The following DCC variants were observed in gnomAD, a reference collection of about 807,000 sequenced individuals.
The protein encoded by DCC is netrin receptor DCC.
Under a neutral mutation model 172.5 loss-of-function variants are expected in DCC, and 58 were observed. The ratio of observed to expected loss-of-function variants is 0.34; its 90% confidence interval spans 0.27 to 0.42. The LOEUF is 0.42. Among genes scored for constraint, DCC ranks in the 10% least tolerant of loss-of-function variants. The probability of loss-of-function intolerance (pLI) is 1.00; values close to 1 mark genes in which losing one functional copy is unlikely to be tolerated. For missense variants in DCC, 1,740 were observed against 1,791.0 expected (o/e 0.97, Z 0.51); for synonymous variants, 709 against 644.5 (o/e 1.10, Z -1.52).
At chr18:53,229,568 G>T (rs936833585) in intron 12 of DCC, among the ~76,000 whole-genome samples, 1 of 152,052 alleles carries the variant, frequency 6.6e-6, no homozygotes, top group African/African-American at 2.4e-5. Context: ...GTGACATTAT[G>T]CTGGCAGCTT....
At chr18:53,035,941 A>G (rs1568260172) in intron 5 of DCC, among the ~76,000 whole-genome samples, 1 of 152,076 alleles carries the variant, frequency 6.6e-6, no homozygotes, top group Non-Finnish European at 1.5e-5. Flanking sequence ...ATAATACTTC[A>G]GTGAATATCC....
At chr18:53,162,644 C>G (rs2054861295) in intron 8 of DCC, among the ~76,000 whole-genome samples, 1 of 152,120 alleles carries the variant, frequency 6.6e-6, no homozygotes, top group South Asian at 2.1e-4. Flanking sequence ...GCTCTTCAGT[C>G]TGCCTAGGAT....
At chr18:52,473,642 G>A (rs187760665) in intron 1 of DCC, among the ~76,000 whole-genome samples, 1 of 152,132 alleles carries the variant, frequency 6.6e-6, no homozygotes, top group Non-Finnish European at 1.5e-5. Context: ...ATCAGCTCTC[G>A]TGAGAACTAA....
intron 5 of DCC, among the ~76,000 whole-genome samples, chr18:52,987,794 C>T (rs2041319212): frequency 6.6e-6 from 1 of 152,178 alleles, no homozygotes; most frequent in Non-Finnish European, 1.5e-5. Flanking sequence ...CTCCTGAATT[C>T]TCTGGCTTAC....
At chr18:52,743,568 T>A (rs1568076691) in intron 1 of DCC, among the ~76,000 whole-genome samples, 2 of 152,220 alleles carry the variant, frequency 1.3e-5, no homozygotes. Context: ...ACTCTCCCGC[T>A]CCAACTTAGC....
chr18:52,891,071 T>A (rs1199773688), intron 2 of DCC, among the ~76,000 whole-genome samples: 1 of 152,086 alleles, frequency 6.6e-6, no homozygotes, highest in African/African-American at 2.4e-5. Flanking sequence ...AATGACAAGA[T>A]AGCTTAGTTA....
At chr18:52,638,773 C>G (rs552379508) in intron 1 of DCC, among the ~76,000 whole-genome samples, 1 of 152,190 alleles carries the variant, frequency 6.6e-6, no homozygotes, top group Admixed American at 6.5e-5. Flanking sequence ...CTTCAATACT[C>G]CACCAACTGC....
At chr18:53,219,510 A>C (rs2055899733) in intron 12 of DCC, among the ~76,000 whole-genome samples, 1 of 152,118 alleles carries the variant, frequency 6.6e-6, no homozygotes, top group Non-Finnish European at 1.5e-5. Context: ...TTCAGATTTA[A>C]ATTTTTAAAT....
At chr18:52,968,072 C>T (rs868297446) in intron 5 of DCC, among the ~76,000 whole-genome samples, 61 of 152,260 alleles carry the variant, frequency 4.0e-4, no homozygotes, top group African/African-American at 1.4e-3. Flanking sequence ...ATTCTTCTAG[C>T]ATTTATTAAC....
chr18:53,414,160 C>CA (rs1910157526), intron 20 of DCC, among the ~76,000 whole-genome samples: 1 of 152,078 alleles, frequency 6.6e-6, no homozygotes, highest in Non-Finnish European at 1.5e-5. Context: ...TAAATCTTGA[C>CA]AAGGTACAAG....
At chr18:52,982,962 T>C (rs1374619302) in intron 5 of DCC, among the ~76,000 whole-genome samples, 2 of 152,218 alleles carry the variant, frequency 1.3e-5, no homozygotes, top group African/African-American at 4.8e-5. Flanking sequence ...AGTTAACTAA[T>C]AATGGATCAT....
chr18:52,865,353 C>A (rs920920740), intron 2 of DCC, among the ~76,000 whole-genome samples: 1 of 151,988 alleles, frequency 6.6e-6, no homozygotes, highest in Non-Finnish European at 1.5e-5. Flanking sequence ...GGGTATATAC[C>A]CAGTAATAGG....
chr18:53,193,519 A>T (rs2055397074), intron 9 of DCC, among the ~76,000 whole-genome samples: 1 of 152,122 alleles, frequency 6.6e-6, no homozygotes, highest in African/African-American at 2.4e-5. Context: ...AAACACAAAG[A>T]CATTAAATAG....
intron 2 of DCC, among the ~76,000 whole-genome samples, chr18:52,830,070 C>G (rs2038586108): frequency 6.6e-6 from 1 of 152,010 alleles, no homozygotes; most frequent in Non-Finnish European, 1.5e-5. Flanking sequence ...TGGGAGCCTG[C>G]CAGCTGTGTC....
intron 5 of DCC, among the ~76,000 whole-genome samples, chr18:53,016,352 A>G (rs61537869): frequency 0.57 from 85,673 of 151,044 alleles, 24,579 homozygotes; most frequent in Middle Eastern, 0.66. Context: ...TCTCAAACAC[A>G]GCAAAATAGC....
At chr18:53,091,706 CA>C (rs889376168) in intron 7 of DCC, among the ~76,000 whole-genome samples, 2 of 152,018 alleles carry the variant, frequency 1.3e-5, no homozygotes, top group Admixed American at 1.3e-4. Context: ...AATAACCTCC[CA>C]AAAGCCTCAC....
At chr18:53,028,208 C>T (rs1029207018) in intron 5 of DCC, among the ~76,000 whole-genome samples, 12 of 152,172 alleles carry the variant, frequency 7.9e-5, no homozygotes, top group African/African-American at 2.9e-4. Context: ...GTGCTATTAT[C>T]CATATCTGAA....
At chr18:52,701,975 A>G (rs1207669010) in intron 1 of DCC, among the ~76,000 whole-genome samples, 1 of 152,162 alleles carries the variant, frequency 6.6e-6, no homozygotes, top group Non-Finnish European at 1.5e-5. Context: ...ATGTTACCAT[A>G]CTTTAATTGT....
intron 15 of DCC, among the ~76,000 whole-genome samples, chr18:53,362,163 T>A (rs983821071): frequency 6.6e-6 from 1 of 152,350 alleles, no homozygotes; most frequent in South Asian, 2.1e-4. Context: ...CATCTTTTAT[T>A]ATTTGAACTT....
Sources: gnomAD v4.1 joint callset for allele counts (sites outside exome capture counted in the v4.1 genomes callset) on GRCh38, gnomAD v4.1.1 for gene constraint, MANE v1.5 for transcripts, NCBI Gene and HGNC (gene_info 2026-07-23, HGNC 2026-07-21) for gene names.